The following IGFN1 variants were observed in gnomAD, a reference collection of about 807,000 sequenced individuals.
The protein encoded by IGFN1 is immunoglobulin-like and fibronectin type III domain-containing protein 1.
In IGFN1, 253 loss-of-function variants were observed where a neutral mutation model predicts 289.5. The observed-to-expected ratio is 0.87, with a 90% CI of 0.79 to 0.97. The LOEUF (loss-of-function observed/expected upper bound fraction) is 0.97. Among genes scored for constraint, IGFN1 ranks in the 50% least tolerant of loss-of-function variants. The pLI is 0.00. For synonymous variants in IGFN1, 1,706 were observed against 1,788.5 expected, an observed-to-expected ratio of 0.95 and a Z score of 1.16; for missense variants, 4,470 against 4,686.1, an observed-to-expected ratio of 0.95 and a Z score of 1.35.
intron 3 of IGFN1, among the ~76,000 whole-genome samples, chr1:201,194,718 TAGA>T (rs1350941649): frequency 6.6e-6 from 1 of 152,158 alleles, no homozygotes; most frequent in Non-Finnish European, 1.5e-5. Context: ...AAGGCCCTTC[TAGA>T]AGGCCACATA....
In IGFN1 at chr1:201,212,484, A is replaced by C; in HGVS notation, c.7591A>C (p.Lys2531Gln). The C allele has an allele frequency of 6.5e-7, 1 of 1,541,088 alleles. No homozygotes were observed. Among genetic ancestry groups the C allele is most frequent in the Non-Finnish European group, 8.7e-7 (1 of 1,146,802 alleles). The change falls in exon 12 of 24, where the codon AAG becomes CAG. Residue 2531 changes from lysine (K) to glutamine (Q), a missense_variant. Transcript: ENST00000335211. ...IMGASGFLDG[K>Q]GAVEGETWAG... ...GGGGGCTTCTGGGTTTCTTGATGGC[A>C]AGGGGGCAGTGGAAGGTGAGACCTG...
At position 201,199,602 on chromosome 1, in the gene IGFN1, T is replaced by G; in HGVS notation, c.413-7T>G. 6.4e-7 allele frequency: 1 copy of G among 1,551,116 alleles called. No individual in the cohort carries two copies. Among genetic ancestry groups the G allele is most frequent in the South Asian group, 1.2e-5 (1 of 83,964 alleles). ...GGACTGAGGCCTCATTCCTGCTCCT[T>G]TTTCAGACCTCAGGAAGGAGCTGAT... On this transcript the variant is annotated splice_region_variant and splice_polypyrimidine_tract_variant and intron_variant, in intron 6 of 23. Coordinates refer to ENST00000335211, the MANE Select transcript of IGFN1 (RefSeq NM_001164586.2).
chr1:201,210,798 C>T lies in IGFN1; in HGVS notation c.5905C>T (p.Pro1969Ser), dbSNP rs1400186450. 61 of 1,526,766 alleles carry T rather than the reference C, an allele frequency of 4.0e-5. No homozygotes were observed. The African/African-American group carries it at 5.8e-4, about 15-fold the overall frequency. 94.6% of individuals were successfully genotyped at this position (1,526,766 alleles called of 1,614,324 possible). Reference sequence around the variant, plus strand: ...AGGTTATAGGAAGGATTTGGGGGCTCCTAAGGGAATGGGTTCAGGGAGTAA... The same window carrying T: ...AGGTTATAGGAAGGATTTGGGGGCTTCTAAGGGAATGGGTTCAGGGAGTAA... ...KAGYRKDLGA[P>S]KGMGSGSKEG... The change falls in exon 12 of 24, where the codon CCT (proline) becomes TCT (serine). Residue 1969 changes from proline to serine, a missense_variant. By Grantham distance (74) the Pro-to-Ser change is moderately conservative. Transcript: ENST00000335211.
Position 201,211,118 on chromosome 1 carries a change from G to T in IGFN1, c.6225G>T (p.Gly2075=), listed in dbSNP as rs1275625082. 1.3e-6 allele frequency: 2 copies of T among 1,526,124 alleles called. No individual in the cohort carries two copies. Among genetic ancestry groups the T allele is most frequent in the Non-Finnish European group, 1.8e-6 (2 of 1,140,336 alleles). 94.5% of individuals were successfully genotyped at this position (1,526,124 alleles called of 1,614,324 possible). ...AGGCAGGTTATAGGAAGGATTTAGG[G>T]GCTCCTAAGGGAATGGGTTCAGGGA... is the stretch of plus-strand genomic sequence containing the variant. The part of the protein sequence containing the change: ...VNEAGYRKDL[G]APKGMGSGSK... Residue 2075 remains glycine (G), a synonymous_variant, in exon 12 of 24, where the codon GGG becomes GGT. Coordinates refer to ENST00000335211, the MANE Select transcript of IGFN1 (RefSeq NM_001164586.2).
chr1:201,196,846 T>G (rs1424003432), intron 4 of IGFN1, among the ~76,000 whole-genome samples: 1 of 152,198 alleles, frequency 6.6e-6, no homozygotes, highest in Non-Finnish European at 1.5e-5. Flanking sequence ...TATTCACCAC[T>G]TTTTTGAGGT....
intron 13 of IGFN1, 126 bp downstream of exon 13, chr1:201,214,427 CAGG>C: frequency 9.9e-7 from 1 of 1,010,578 alleles, no homozygotes; most frequent in South Asian, 2.0e-5. Flanking sequence ...GTATCCACCT[CAGG>C]AGAAGTTTAA....
At chr1:201,225,752 G>A (rs1654038256) in intron 21 of IGFN1, 72 bp from the exon 22 acceptor site, 1 of 1,396,700 alleles carries the variant, frequency 7.2e-7, no homozygotes, top group East Asian at 2.4e-5. Context: ...GAAGTCCTGG[G>A]ACCTGGAGGG....
Position 201,225,939 on chromosome 1 carries a change from G to A in IGFN1, c.10602G>A (p.Val3534=). 5 of 1,602,180 alleles carry A rather than the reference G, an allele frequency of 3.1e-6. No individual in the cohort carries two copies. The highest frequency in any genetic ancestry group is 1.3e-5 in the African/African-American group (1 of 74,860). The change falls in exon 22 of 24, where the codon GTG becomes GTA. Residue 3534 remains valine (V), a synonymous_variant. Transcript: ENST00000335211. ...AGGATGTCCCGCTGCACTACGCGGT[G>A]TTCACACGCTCCTCAGCGCACGGTC... The part of the protein sequence containing the change: ...EAQDVPLHYA[V]FTRSSAHGPW...
At position 201,214,994 on chromosome 1, in the gene IGFN1, G is replaced by T; in HGVS notation, c.8854-19G>T. On this transcript the variant is annotated intron_variant, in intron 13 of 23. Transcript: ENST00000335211. ...GATGGGAGTGGGGTGACCTTCTCCT[G>T]CTGTGGCCCTGTCTCCAGCTCACCA... 1 of 1,611,172 alleles carries T rather than the reference G, an allele frequency of 6.2e-7. No homozygotes were observed. Among genetic ancestry groups the T allele is most frequent in the Non-Finnish European group, 8.5e-7 (1 of 1,178,274 alleles).
chr1:201,221,435 G>A lies in IGFN1; in HGVS notation c.9899-9G>A, dbSNP rs367886220. The A allele has an allele frequency of 2.2e-4, 347 of 1,554,556 alleles. No homozygotes were observed. The highest frequency in any genetic ancestry group is 2.9e-4 in the Non-Finnish European group (337 of 1,147,034). ...ATGCCATTCCTGACTCTCCCATGGT[G>A]CCTGGCAGGACCCCCTGGGCTGGTG... On this transcript the variant is annotated splice_polypyrimidine_tract_variant and intron_variant, in intron 18 of 23. Transcript: ENST00000335211.
In IGFN1 at chr1:201,193,314, T is replaced by G. The variant is rs1200681555; in HGVS notation, c.7+14T>G. The stretch of plus-strand genomic sequence containing the variant: ...GAACTATGGCAGGTAAGAGAAGAAC[T>G]AATCTCCCCTCCCCAGCCCTCCCTG... On this transcript the variant is annotated intron_variant, in intron 2 of 23. Coordinates refer to ENST00000335211, the MANE Select transcript of IGFN1 (RefSeq NM_001164586.2). 14 of 1,538,350 alleles carry G rather than the reference T, an allele frequency of 9.1e-6. No individual in the cohort carries two copies. Among genetic ancestry groups the G allele is most frequent in the Non-Finnish European group, 1.2e-5 (14 of 1,134,708 alleles).
In IGFN1 at chr1:201,215,591, G is replaced by C; in HGVS notation, c.9048G>C (p.Val3016=). The C allele has an allele frequency of 6.2e-7, 1 of 1,610,698 alleles. No homozygotes were observed. The highest frequency in any genetic ancestry group is 1.1e-5 in the South Asian group (1 of 90,326). ...CAGAGAAACTGAGAGAGCCACTGGTGGTCAAGGCTGGGAAGCCGGTGATAG... is the reference window on the plus strand; with the variant it reads ...CAGAGAAACTGAGAGAGCCACTGGTCGTCAAGGCTGGGAAGCCGGTGATAG... ...DVTEKLREPL[V]VKAGKPVIVK... Residue 3016 remains valine, a synonymous_variant, in exon 15 of 24, where the codon GTG becomes GTC. Coordinates refer to ENST00000335211, the MANE Select transcript of IGFN1 (RefSeq NM_001164586.2).
In IGFN1 at chr1:201,207,948, G is replaced by A; in HGVS notation, c.3055G>A (p.Val1019Met). The A allele has an allele frequency of 1.3e-6, 2 of 1,536,906 alleles. No homozygotes were observed. Among genetic ancestry groups the A allele is most frequent in the Non-Finnish European group, 1.7e-6 (2 of 1,146,832 alleles). The change falls in exon 12 of 24, where the codon GTG becomes ATG. Residue 1019 changes from valine to methionine, a missense_variant. Coordinates refer to ENST00000335211, the MANE Select transcript of IGFN1 (RefSeq NM_001164586.2). ...YRHGSGAPGG[V>M]WSGNEDSGPA... ...GCATGGCTCCGGAGCGCCTGGGGGA[G>A]TGTGGTCTGGAAATGAAGATTCTGG...
chr1:201,194,553 G>C (rs1334165748), intron 3 of IGFN1, among the ~76,000 whole-genome samples: 1 of 152,176 alleles, frequency 6.6e-6, no homozygotes, highest in Non-Finnish European at 1.5e-5. Flanking sequence ...ATGCTAAACT[G>C]GGGAGCAGGG....
Position 201,211,677 on chromosome 1 carries a change from T to A in IGFN1, c.6784T>A (p.Ser2262Thr), listed in dbSNP as rs1667811393. 6 of 1,536,968 alleles carry A rather than the reference T, an allele frequency of 3.9e-6. No homozygotes were observed. The East Asian group carries it at 1.5e-4, about 38-fold the overall frequency. Reference protein sequence around the residue: ...KDLGAPEEMGSGSYTDYRNGL... With the variant: ...KDLGAPEEMGTGSYTDYRNGL... Reference sequence around the variant, plus strand: ...TTTGGGAGCTCCTGAGGAAATGGGTTCAGGCAGTTACACAGATTACAGGAA... The same window carrying A: ...TTTGGGAGCTCCTGAGGAAATGGGTACAGGCAGTTACACAGATTACAGGAA... Residue 2262 changes from serine to threonine, a missense_variant, in exon 12 of 24, where the codon TCA (serine) becomes ACA (threonine). Ser to Thr is a moderately conservative substitution (Grantham distance 58). Coordinates refer to ENST00000335211, the MANE Select transcript of IGFN1 (RefSeq NM_001164586.2).
In IGFN1 at chr1:201,207,895, T is replaced by G. The variant is rs933763145; in HGVS notation, c.3002T>G (p.Val1001Gly). Residue 1001 changes from valine (V) to glycine (G), a missense_variant, in exon 12 of 24, where the codon GTG becomes GGG. Physicochemically the swap from Val to Gly is moderately radical, Grantham distance 109. Around this residue, in one of 8 missense-constraint regions of IGFN1, gnomAD observed 2,011 missense variants for 1,953.4 expected, o/e 1.03. Transcript: ENST00000335211. ...GTTTCCCCTAGGGCACCTGCGGGAG[T>G]GGAGTCTGAGGAAGGGGGTGGGTAC... ...CRVSPRAPAG[V>G]ESEEGGGYRH... 1 of 1,533,100 alleles carries G rather than the reference T, an allele frequency of 6.5e-7. No homozygotes were observed. Among genetic ancestry groups the G allele is most frequent in the Non-Finnish European group, 8.7e-7 (1 of 1,145,498 alleles). 95.0% of individuals were successfully genotyped at this position (1,533,100 alleles called of 1,614,324 possible).
Position 201,213,055 on chromosome 1 carries a change from G to GGGGGAATTCTACTGAGTA in IGFN1, c.8169_8170insTCTACTGAGTAGGGGAAT (p.Asn2723_Ala2724insSerThrGluTer). 6.4e-7 allele frequency: 1 copy of GGGGGAATTCTACTGAGTA among 1,551,622 alleles called. No individual in the cohort carries two copies. The highest frequency in any genetic ancestry group is 1.7e-4 in the Middle Eastern group (1 of 5,990). On this transcript the variant is annotated stop_gained and inframe_insertion, in exon 12 of 24. Transcript: ENST00000335211. LOFTEE classifies it high-confidence loss of function. ...CTGGGCAAGGGGAATTCTACTGAGT[G>GGGGGAATTCTACTGAGTA]GGGGAATGCCCTCACCCCAAAACCT... is the stretch of plus-strand genomic sequence containing the variant.
intron 3 of IGFN1, 41 bp downstream of exon 3, chr1:201,194,314 T>C: frequency 2.6e-6 from 4 of 1,547,814 alleles, no homozygotes; most frequent in Non-Finnish European, 3.5e-6. Flanking sequence ...GCAAGATTCT[T>C]GCTCTCCTAC....
At chr1:201,228,237 G>A (rs1365823712) in intron 23 of IGFN1, 149 bp from the exon 24 acceptor site, 1 of 810,376 alleles carries the variant, frequency 1.2e-6, no homozygotes, top group Non-Finnish European at 2.2e-6. Context: ...CAAGCTTAGA[G>A]AGCACGTGGT....
Sources: gnomAD v4.1 joint callset for allele counts (sites outside exome capture counted in the v4.1 genomes callset) on GRCh38, gnomAD v4.1.1 for gene constraint, gnomAD v4.1.1 regional missense constraint, MANE v1.5 for transcripts, NCBI Gene and HGNC (gene_info 2026-07-23, HGNC 2026-07-21) for gene names.